CLVS1: variants seen among roughly 807,000 people sequenced by gnomAD.
CLVS1 encodes clavesin-1.
CLVS1 carries 10 observed loss-of-function variants against 33.1 expected under a neutral mutation model. The ratio of observed to expected loss-of-function variants is 0.30; its 90% CI spans 0.19 to 0.51. The LOEUF is 0.51. CLVS1 is among the 20% of genes least tolerant of loss of function. CLVS1 has a pLI of 0.97. For missense variants in CLVS1, 343 were observed against 433.4 expected (o/e 0.79, Z 1.85); for synonymous variants, 163 against 166.1 (o/e 0.98, Z 0.14).
Position 61,446,419 on chromosome 8 carries a change from G to A in CLVS1, c.631-7722G>A, listed in dbSNP as rs139575531. Among the ~76,000 whole-genome samples the A allele has an allele frequency of 4.6e-3, 696 of 152,184 alleles. 4 individuals are homozygous for A. Among genetic ancestry groups the A allele is most frequent in the African/African-American group, 0.015 (641 of 41,516 alleles). On this transcript the variant is annotated intron_variant, in intron 3 of 5. Coordinates refer to ENST00000325897, the MANE Select transcript of CLVS1 (RefSeq NM_173519.3). Reference sequence around the variant, plus strand: ...AAACTGGGTAATTTATAAAGAAAAGGCATGTATTTCTTACCATTATGGAGG... The same window carrying A: ...AAACTGGGTAATTTATAAAGAAAAGACATGTATTTCTTACCATTATGGAGG...
intron 2 of CLVS1, among the ~76,000 whole-genome samples, chr8:61,366,876 A>G (rs1171904144): frequency 2.6e-5 from 4 of 152,182 alleles, no homozygotes; most frequent in African/African-American, 9.7e-5. Flanking sequence ...ACTTCTGAGT[A>G]ACCCTTGACA....
At chr8:61,279,479 C>T (rs1179402638) in intron 2 of CLVS1, among the ~76,000 whole-genome samples, 2 of 152,174 alleles carry the variant, frequency 1.3e-5, no homozygotes, top group Admixed American at 6.5e-5. Flanking sequence ...GCTAAAAAGA[C>T]CTGCAGTAAT....
the CLVS1 span, among the ~76,000 whole-genome samples, chr8:61,035,161 CTTTCT>C: frequency 0.014 from 2,002 of 140,878 alleles, 54 homozygotes; most frequent in African/African-American, 0.049. Context: ...TTTCATTTTT[CTTTCT>C]TTTCTTTTCT....
At chr8:61,117,604 G>A (rs1405241019) in intron 1 of CLVS1, among the ~76,000 whole-genome samples, 2 of 149,820 alleles carry the variant, frequency 1.3e-5, no homozygotes, top group Non-Finnish European at 3.0e-5. Context: ...TTTGTCAAAG[G>A]CTTTTTCTGC....
intron 3 of CLVS1, among the ~76,000 whole-genome samples, chr8:61,449,632 C>A (rs1056640553): frequency 6.6e-6 from 1 of 152,172 alleles, no homozygotes; most frequent in African/African-American, 2.4e-5. Flanking sequence ...TGTTACTAGT[C>A]ATTTCATTAA....
the CLVS1 span, among the ~76,000 whole-genome samples, chr8:60,985,096 A>G: frequency 6.6e-6 from 1 of 152,244 alleles, no homozygotes; most frequent in African/African-American, 2.4e-5. Flanking sequence ...ATTTCGGACC[A>G]ACTAAGAATG....
At chr8:60,995,640 G>C in the CLVS1 span, among the ~76,000 whole-genome samples, 1 of 152,208 alleles carries the variant, frequency 6.6e-6, no homozygotes, top group East Asian at 1.9e-4. Flanking sequence ...AATACCATTT[G>C]ACCCAGCCAT....
intron 2 of CLVS1, among the ~76,000 whole-genome samples, chr8:61,318,479 CAT>C (rs1464832291): frequency 1.3e-5 from 2 of 152,132 alleles, no homozygotes; most frequent in African/African-American, 4.8e-5. Context: ...AGTTTATAGT[CAT>C]ATGCTCAGAT....
chr8:61,272,616 C>T (rs1447491974), intron 2 of CLVS1, among the ~76,000 whole-genome samples: 1 of 152,240 alleles, frequency 6.6e-6, no homozygotes, highest in Non-Finnish European at 1.5e-5. Flanking sequence ...TTCTCCCCAT[C>T]ACTTTCAGGT....
At chr8:61,438,465 T>G (rs1816425856) in intron 3 of CLVS1, among the ~76,000 whole-genome samples, 1 of 152,264 alleles carries the variant, frequency 6.6e-6, no homozygotes. Flanking sequence ...TCTTTGCTAT[T>G]GTGAATAGTG....
intron 3 of CLVS1, among the ~76,000 whole-genome samples, chr8:61,396,858 A>G (rs1430622317): frequency 6.6e-6 from 1 of 152,162 alleles, no homozygotes; most frequent in Non-Finnish European, 1.5e-5. Context: ...CAGGTATAGC[A>G]TGTGCCACAA....
rs140554984 is a variant in CLVS1 at position 61,200,319 on chromosome 8, C to T, written c.-152+68459C>T. Among the ~76,000 whole-genome samples the T allele has an allele frequency of 5.5e-3, 833 of 152,270 alleles. 10 individuals are homozygous for T. The highest frequency in any genetic ancestry group is 0.019 in the African/African-American group (782 of 41,542). On this transcript the variant is annotated intron_variant, in intron 2 of 2. Transcript: ENST00000522621. The stretch of plus-strand genomic sequence containing the variant: ...TAGTTTTAATAGAGATGGGGTTTCA[C>T]CATGTTTGCCAGGCTGGTGTCAAAC...
At chr8:61,325,972 C>T (rs1323703339) in intron 2 of CLVS1, among the ~76,000 whole-genome samples, 1 of 152,170 alleles carries the variant, frequency 6.6e-6, no homozygotes, top group Non-Finnish European at 1.5e-5. Flanking sequence ...GGTACACTTG[C>T]CATGCTCTAC....
chr8:61,092,957 G>A (rs1805277412), intron 1 of CLVS1, among the ~76,000 whole-genome samples: 1 of 152,142 alleles, frequency 6.6e-6, no homozygotes, highest in African/African-American at 2.4e-5. Context: ...GCAGTGCAAG[G>A]ACGAGACACA....
At chr8:61,415,245 G>C (rs1199499479) in intron 3 of CLVS1, among the ~76,000 whole-genome samples, 1 of 152,216 alleles carries the variant, frequency 6.6e-6, no homozygotes, top group Non-Finnish European at 1.5e-5. Context: ...ACACTTCCCT[G>C]AGGGTAGGAG....
intron 2 of CLVS1, among the ~76,000 whole-genome samples, chr8:61,272,586 T>G (rs1809465465): frequency 6.6e-6 from 1 of 152,220 alleles, no homozygotes; most frequent in African/African-American, 2.4e-5. Flanking sequence ...TCCTGCAGAG[T>G]GCTTTCCAAC....
intron 3 of CLVS1, among the ~76,000 whole-genome samples, chr8:61,428,353 AAAG>A (rs1254067129): frequency 2.0e-5 from 3 of 152,166 alleles, no homozygotes; most frequent in African/African-American, 7.2e-5. Flanking sequence ...GTGTGTGTGT[AAAG>A]AAAGGAGAGA....
chr8:61,236,510 C>T (rs1394185154), intron 2 of CLVS1, among the ~76,000 whole-genome samples: 1 of 152,120 alleles, frequency 6.6e-6, no homozygotes, highest in African/African-American at 2.4e-5. Context: ...CAGACGTCCC[C>T]CTGGGACCCA....
At chr8:61,441,721 A>G (rs1816554585) in intron 3 of CLVS1, among the ~76,000 whole-genome samples, 1 of 152,180 alleles carries the variant, frequency 6.6e-6, no homozygotes, top group African/African-American at 2.4e-5. Flanking sequence ...TTTTGCCTAT[A>G]TTATGTTGCT....
Sources: gnomAD v4.1 joint callset for allele counts (sites outside exome capture counted in the v4.1 genomes callset) on GRCh38, gnomAD v4.1.1 for gene constraint, MANE v1.5 for transcripts, NCBI Gene and HGNC (gene_info 2026-07-23, HGNC 2026-07-21) for gene names.